The following MLLT3 variants were observed in gnomAD, a reference collection of about 807,000 sequenced individuals.
MLLT3 encodes the protein MLLT3 super elongation complex subunit.
A neutral mutation model predicts 53.2 loss-of-function variants in MLLT3; 4 were observed. The observed-to-expected ratio is 0.08, with a 90% CI of 0.04 to 0.17. MLLT3 has a LOEUF of 0.17. MLLT3 is among the 10% of genes least tolerant of loss of function. The probability of loss-of-function intolerance (pLI) is 1.00; values close to 1 mark genes in which losing one functional copy is unlikely to be tolerated. For missense variants in MLLT3, 569 were observed against 684.0 expected, an observed-to-expected ratio of 0.83 and a Z score of 1.87; for synonymous variants, 283 against 230.6, an observed-to-expected ratio of 1.23 and a Z score of -2.06.
At chr9:20,421,132 C>T (rs1032850325) in intron 4 of MLLT3, among the ~76,000 whole-genome samples, 2 of 151,910 alleles carry the variant, frequency 1.3e-5, no homozygotes, top group East Asian at 1.9e-4. Flanking sequence ...GGCCAGGTGG[C>T]GAGGGCCTGT....
At chr9:20,413,495 C>A (rs1204847565) in intron 5 of MLLT3, among the ~76,000 whole-genome samples, 3 of 152,190 alleles carry the variant, frequency 2.0e-5, no homozygotes, top group East Asian at 3.8e-4. Flanking sequence ...ATGGAAATAT[C>A]TTTCCTTTAA....
chr9:20,483,841 G>C (rs1467864496), intron 2 of MLLT3, among the ~76,000 whole-genome samples: 2 of 150,650 alleles, frequency 1.3e-5, no homozygotes, highest in African/African-American at 4.9e-5. Context: ...CCGAGTAGCT[G>C]GGACTACAAG....
chr9:20,554,767 T>C (rs1428506534), intron 2 of MLLT3, among the ~76,000 whole-genome samples: 5 of 152,208 alleles, frequency 3.3e-5, no homozygotes, highest in Admixed American at 3.3e-4. Context: ...GGCATCTTGT[T>C]TGTTCCGAAA....
At chr9:20,497,001 A>C (rs1825094266) in intron 2 of MLLT3, among the ~76,000 whole-genome samples, 1 of 152,242 alleles carries the variant, frequency 6.6e-6, no homozygotes, top group Admixed American at 6.5e-5. Flanking sequence ...CTTAAGATTT[A>C]ATTTCTATAA....
At chr9:20,548,975 C>T (rs1381295921) in intron 2 of MLLT3, among the ~76,000 whole-genome samples, 6 of 151,986 alleles carry the variant, frequency 3.9e-5, no homozygotes, top group Non-Finnish European at 8.8e-5. Flanking sequence ...TCTCCATACC[C>T]GGCTAATTTT....
chr9:20,618,646 G>C (rs1356239749), intron 2 of MLLT3, among the ~76,000 whole-genome samples: 1 of 152,168 alleles, frequency 6.6e-6, no homozygotes, highest in Non-Finnish European at 1.5e-5. Flanking sequence ...TCTCTCACCA[G>C]AGACCTCTGA....
chr9:20,501,480 G>T (rs983734189), intron 2 of MLLT3, among the ~76,000 whole-genome samples: 1 of 152,114 alleles, frequency 6.6e-6, no homozygotes, highest in Non-Finnish European at 1.5e-5. Flanking sequence ...GGCCGGGCAC[G>T]GTGGCTCACG....
At chr9:20,364,455 GA>G (rs1183167292) in intron 6 of MLLT3, among the ~76,000 whole-genome samples, 1 of 152,168 alleles carries the variant, frequency 6.6e-6, no homozygotes, top group Non-Finnish European at 1.5e-5. Context: ...AATCTTAACA[GA>G]AGAGGTTATA....
At chr9:20,473,442 A>T (rs1824444482) in intron 2 of MLLT3, among the ~76,000 whole-genome samples, 1 of 152,146 alleles carries the variant, frequency 6.6e-6, no homozygotes, top group South Asian at 2.1e-4. Context: ...ACAACAAAAT[A>T]AAATGTTCAA....
chr9:20,570,313 C>G (rs554050319), intron 2 of MLLT3, among the ~76,000 whole-genome samples: 2 of 152,248 alleles, frequency 1.3e-5, no homozygotes, highest in South Asian at 4.1e-4. Flanking sequence ...TTTCTTCCGT[C>G]AGCATTACTA....
chr9:20,562,293 C>T (rs902178146), intron 2 of MLLT3, among the ~76,000 whole-genome samples: 2 of 152,036 alleles, frequency 1.3e-5, no homozygotes, highest in South Asian at 4.2e-4. Flanking sequence ...ATTAAAAATG[C>T]GGTTGAATTC....
At chr9:20,400,449 T>C (rs1181030143) in intron 5 of MLLT3, among the ~76,000 whole-genome samples, 2 of 152,184 alleles carry the variant, frequency 1.3e-5, no homozygotes, top group Non-Finnish European at 2.9e-5. Flanking sequence ...AGATATTTGA[T>C]GATATTAAGA....
intron 2 of MLLT3, among the ~76,000 whole-genome samples, chr9:20,494,036 T>C (rs118112254): frequency 3.3e-5 from 5 of 152,126 alleles, no homozygotes; most frequent in African/African-American, 9.6e-5. Flanking sequence ...AAACTAACAA[T>C]AGACTTGTCT....
intron 2 of MLLT3, among the ~76,000 whole-genome samples, chr9:20,606,835 C>A (rs1296433937): frequency 6.6e-6 from 1 of 152,152 alleles, no homozygotes; most frequent in African/African-American, 2.4e-5. Flanking sequence ...CTCCAGCCCA[C>A]AATGTCAAGT....
chr9:20,382,889 CT>C (rs1187562778), intron 5 of MLLT3, among the ~76,000 whole-genome samples: 1 of 143,340 alleles, frequency 7.0e-6, no homozygotes, highest in Non-Finnish European at 1.5e-5. Flanking sequence ...ATCTATTTGT[CT>C]TATGGGTATT....
At chr9:20,543,144 A>C (rs1227038603) in intron 2 of MLLT3, among the ~76,000 whole-genome samples, 1 of 152,224 alleles carries the variant, frequency 6.6e-6, no homozygotes, top group Non-Finnish European at 1.5e-5. Context: ...AACTTTCTCC[A>C]TATTAGCAAT....
intron 3 of MLLT3, among the ~76,000 whole-genome samples, chr9:20,450,538 G>A (rs536362304): frequency 6.6e-6 from 1 of 152,216 alleles, no homozygotes; most frequent in East Asian, 1.9e-4. Context: ...AGCATCTGCA[G>A]TTCCCCAATA....
intron 2 of MLLT3, among the ~76,000 whole-genome samples, chr9:20,609,092 A>G (rs111913108): frequency 2.0e-5 from 3 of 152,078 alleles, no homozygotes; most frequent in African/African-American, 7.2e-5. Flanking sequence ...TTTACAATGT[A>G]AGAAAATTCC....
chr9:20,582,573 T>C (rs148858330), intron 2 of MLLT3, among the ~76,000 whole-genome samples: 3 of 152,314 alleles, frequency 2.0e-5, no homozygotes, highest in Non-Finnish European at 2.9e-5. Context: ...GATAAAGACA[T>C]ACCCATTTCA....
Sources: gnomAD v4.1 joint callset for allele counts (sites outside exome capture counted in the v4.1 genomes callset) on GRCh38, gnomAD v4.1.1 for gene constraint, MANE v1.5 for transcripts, NCBI Gene and HGNC (gene_info 2026-07-23, HGNC 2026-07-21) for gene names.